The following CSMD1 variants were observed in gnomAD, a reference collection of about 807,000 sequenced individuals.
CSMD1 encodes CUB and sushi domain-containing protein 1.
CSMD1 carries 213 observed loss-of-function variants against 417.5 expected under a neutral mutation model. That is an observed-to-expected ratio of 0.51 (90% confidence interval 0.46 to 0.57). The LOEUF (loss-of-function observed/expected upper bound fraction) is 0.57, where lower values mean the gene tolerates loss of function less well. Among genes scored for constraint, CSMD1 ranks in the 20% least tolerant of loss-of-function variants. The probability of loss-of-function intolerance (pLI) is 0.00; values close to 1 mark genes in which losing one functional copy is unlikely to be tolerated. For missense variants in CSMD1, 6,923 were observed against 4,529.7 expected (o/e 1.53, Z -15.17); for synonymous variants, 2,862 against 1,736.8 (o/e 1.65, Z -16.11).
intron 3 of CSMD1, among the ~76,000 whole-genome samples, chr8:4,350,316 G>C (rs1346378302): frequency 6.6e-6 from 1 of 152,122 alleles, no homozygotes; most frequent in African/African-American, 2.4e-5. Context: ...AGGTCTAACA[G>C]GCTGACACAC....
At position 3,262,001 on chromosome 8, in the gene CSMD1, C is replaced by G. The variant is rs1427589271; in HGVS notation, c.4153+22143G>C. Among the ~76,000 whole-genome samples, 3 of 151,516 alleles carry G rather than the reference C, an allele frequency of 2.0e-5. No homozygotes were observed. In the East Asian group the frequency reaches 5.8e-4, roughly 29 times the overall value. ...TACAGGATGTTACTCTTGGGGGAAA[C>G]TGGGTAAAGTGTGCACAGGGTCTCT... On this transcript the variant is annotated intron_variant, in intron 26 of 69. Transcript: ENST00000635120.
chr8:4,114,646 A>G (rs1463319863), intron 3 of CSMD1, among the ~76,000 whole-genome samples: 1 of 152,234 alleles, frequency 6.6e-6, no homozygotes, highest in African/African-American at 2.4e-5. Flanking sequence ...GGAAAGGATT[A>G]TCTTTGCTAG....
intron 2 of CSMD1, among the ~76,000 whole-genome samples, chr8:4,442,094 G>A (rs1015985951): frequency 9.2e-5 from 14 of 152,080 alleles, no homozygotes; most frequent in African/African-American, 3.4e-4. Flanking sequence ...GTAGAAACAC[G>A]TGACGAAATG....
chr8:3,363,315 C>G (rs1809322469), intron 20 of CSMD1, among the ~76,000 whole-genome samples: 1 of 152,130 alleles, frequency 6.6e-6, no homozygotes, highest in African/African-American at 2.4e-5. Flanking sequence ...AGTCATGGTA[C>G]CATTGAAGGA....
At chr8:4,443,999 G>A (rs1347095856) in intron 2 of CSMD1, among the ~76,000 whole-genome samples, 1 of 152,124 alleles carries the variant, frequency 6.6e-6, no homozygotes, top group Admixed American at 6.6e-5. Flanking sequence ...AACGGAGTAA[G>A]AATGGTGACA....
intron 3 of CSMD1, among the ~76,000 whole-genome samples, chr8:4,254,921 T>G (rs1005133801): frequency 2.0e-5 from 3 of 152,124 alleles, no homozygotes; most frequent in Non-Finnish European, 4.4e-5. Flanking sequence ...TCAGAATACA[T>G]TCCCATCACT....
chr8:4,374,609 G>T (rs952647550), intron 3 of CSMD1, among the ~76,000 whole-genome samples: 1 of 152,114 alleles, frequency 6.6e-6, no homozygotes, highest in East Asian at 1.9e-4. Flanking sequence ...CTAAGAAATG[G>T]TCCTGAAAGC....
At chr8:3,335,680 AAAT>A (rs538563022) in intron 23 of CSMD1, among the ~76,000 whole-genome samples, 2 of 152,184 alleles carry the variant, frequency 1.3e-5, no homozygotes, top group Non-Finnish European at 2.9e-5. Context: ...CGACTCAAGA[AAAT>A]AATAATAATA....
chr8:4,107,270 T>C lies in CSMD1; in HGVS notation c.416-75171A>G, dbSNP rs538867485. On this transcript the variant is annotated intron_variant, in intron 3 of 69. Transcript: ENST00000635120. ...CCCAGTTCCAGCTGATTCAAAGTGC[T>C]TGCCATTTCAACACGCTGCACTGCC... Among the ~76,000 whole-genome samples, 20 of 152,280 alleles carry C rather than the reference T, an allele frequency of 1.3e-4. No homozygotes were observed. In the South Asian group the frequency reaches 3.9e-3, roughly 30 times the overall value.
intron 1 of CSMD1, among the ~76,000 whole-genome samples, chr8:4,863,548 A>T (rs1026119491): frequency 6.6e-6 from 1 of 152,084 alleles, no homozygotes; most frequent in Non-Finnish European, 1.5e-5. Flanking sequence ...GGTATCCCAT[A>T]TTCTCATTCC....
chr8:4,879,637 A>G (rs747022787), intron 1 of CSMD1, among the ~76,000 whole-genome samples: 2 of 152,126 alleles, frequency 1.3e-5, no homozygotes, highest in African/African-American at 4.8e-5. Context: ...TTAAAGAGCC[A>G]GAATAGGAAA....
At chr8:3,083,063 C>G (rs1285990565) in intron 49 of CSMD1, among the ~76,000 whole-genome samples, 3 of 152,054 alleles carry the variant, frequency 2.0e-5, no homozygotes, top group Non-Finnish European at 4.4e-5. Flanking sequence ...AAGAGCTCAC[C>G]TAGTCTTCTG....
chr8:3,623,365 C>G (rs1467563037), intron 7 of CSMD1, among the ~76,000 whole-genome samples: 2 of 152,072 alleles, frequency 1.3e-5, no homozygotes, highest in African/African-American at 2.4e-5. Context: ...TTCTTTGTAG[C>G]AAACTATAGA....
Position 4,503,224 on chromosome 8 carries a change from G to T in CSMD1, c.303-83159C>A, listed in dbSNP as rs556582237. Among the ~76,000 whole-genome samples, 5 of 152,194 alleles carry T rather than the reference G, an allele frequency of 3.3e-5. No individual in the cohort carries two copies. In the East Asian group the frequency reaches 7.8e-4, roughly 24 times the overall value. On this transcript the variant is annotated intron_variant, in intron 2 of 69. Transcript: ENST00000635120. ...TCCTCTTGTACTGTAAAAGTCTACA[G>T]CGTCATAGTGTCTATGATCATTGCA...
At chr8:4,144,632 A>T (rs140404763) in intron 3 of CSMD1, among the ~76,000 whole-genome samples, 1 of 150,878 alleles carries the variant, frequency 6.6e-6, no homozygotes, top group Non-Finnish European at 1.5e-5. Context: ...GTTTGTCTGG[A>T]GCTTCTTTTT....
intron 1 of CSMD1, among the ~76,000 whole-genome samples, chr8:4,642,956 G>C (rs142580418): frequency 6.6e-6 from 1 of 152,168 alleles, no homozygotes; most frequent in Non-Finnish European, 1.5e-5. Flanking sequence ...ACGAGGAAAC[G>C]AGTCATTTGA....
At chr8:4,856,156 G>A (rs1801787014) in intron 1 of CSMD1, among the ~76,000 whole-genome samples, 1 of 149,202 alleles carries the variant, frequency 6.7e-6, no homozygotes, top group Admixed American at 6.7e-5. Context: ...TTCATATCCA[G>A]CCAAACTAAG....
At chr8:3,334,116 T>G (rs1379813430) in intron 23 of CSMD1, among the ~76,000 whole-genome samples, 1 of 152,136 alleles carries the variant, frequency 6.6e-6, no homozygotes, top group Non-Finnish European at 1.5e-5. Context: ...TCTACTGATG[T>G]GTTTGGGTAG....
intron 41 of CSMD1, among the ~76,000 whole-genome samples, chr8:3,130,390 C>G (rs996605098): frequency 2.0e-5 from 3 of 152,078 alleles, no homozygotes; most frequent in African/African-American, 7.2e-5. Flanking sequence ...CTCCCGCCCC[C>G]AATTCCTGGA....
Sources: allele counts gnomAD v4.1 joint callset (sites outside exome capture counted in the v4.1 genomes callset), GRCh38; gene constraint gnomAD v4.1.1; transcripts MANE v1.5; gene names NCBI Gene and HGNC (gene_info 2026-07-23, HGNC 2026-07-21).